CBL: variants seen among roughly 807,000 people sequenced by gnomAD.
CBL encodes the protein E3 ubiquitin-protein ligase CBL.
CBL carries 45 observed loss-of-function variants against 96.9 expected under a neutral mutation model. That is an observed-to-expected ratio of 0.46 (90% CI 0.37 to 0.60). The LOEUF is 0.60. Ranked by LOEUF, CBL falls within the 20% of genes least tolerant of loss-of-function variation. The probability of loss-of-function intolerance (pLI) is 0.00; values close to 1 mark genes in which losing one functional copy is unlikely to be tolerated. For synonymous variants in CBL, 420 were observed against 426.8 expected, an observed-to-expected ratio of 0.98 and a Z score of 0.20; for missense variants, 1,024 against 1,143.5, an observed-to-expected ratio of 0.90 and a Z score of 1.51.
intron 2 of CBL, among the ~76,000 whole-genome samples, chr11:119,261,995 G>C (rs1257656462): frequency 2.0e-5 from 3 of 152,240 alleles, no homozygotes; most frequent in Admixed American, 2.0e-4. Context: ...AAGAAAGAAG[G>C]TGTGGAGAAG....
chr11:119,270,726 G>A lies in CBL; in HGVS notation c.444-1009G>A, dbSNP rs370044861. Among the ~76,000 whole-genome samples, 49 of 152,054 alleles carry A rather than the reference G, an allele frequency of 3.2e-4. No individual in the cohort carries two copies. In the East Asian group the frequency reaches 5.6e-3, roughly 17 times the overall value. On this transcript the variant is annotated intron_variant, in intron 2 of 15. Coordinates refer to ENST00000264033, the MANE Select transcript of CBL (RefSeq NM_005188.4). ...CTCCCAAAGTGCTGGGATTACAGGC[G>A]TGAGCCACCGCGCCCGGCCATTTTT...
At chr11:119,236,622 T>TATAC (rs398017756) in intron 2 of CBL, among the ~76,000 whole-genome samples, 19 of 144,356 alleles carry the variant, frequency 1.3e-4, no homozygotes, top group African/African-American at 4.6e-4. Context: ...TATATATATA[T>TATAC]ACCCATAGGA....
chr11:119,208,209 T>C (rs564009414), intron 1 of CBL, among the ~76,000 whole-genome samples: 36 of 152,272 alleles, frequency 2.4e-4, no homozygotes, highest in African/African-American at 8.4e-4. Flanking sequence ...TGCTAAAGTT[T>C]GTTAGTTTGC....
rs1057116736 is a variant in CBL at position 119,308,046 on chromosome 11, AT to A, written c.*8273del. ...TCTGTTTTACTAATGTTATTTATTA[AT>A]TTTTTTTCATTTCCATACACAGTTA... On this transcript the variant is annotated 3_prime_UTR_variant, in exon 16 of 16. Transcript: ENST00000264033. 14 of 181,016 alleles carry A rather than the reference AT, an allele frequency of 7.7e-5. No homozygotes were observed. Among genetic ancestry groups the A allele is most frequent in the African/African-American group, 1.9e-4 (8 of 42,540 alleles). 11.2% of individuals were successfully genotyped at this position (181,016 alleles called of 1,614,324 possible).
intron 1 of CBL, among the ~76,000 whole-genome samples, chr11:119,207,680 G>A (rs551936365): frequency 6.6e-6 from 1 of 152,168 alleles, no homozygotes; most frequent in East Asian, 1.9e-4. Flanking sequence ...AATTCAATAC[G>A]TTTTCTTGGT....
rs190023408 is a variant in CBL, at chr11:119,269,865, C to T, written c.444-1870C>T. ...CAAAAAAATTAGCTGGGCATGGTGG[C>T]GGGCGCCTGTAGTCCCAGCTACTCG... On this transcript the variant is annotated intron_variant, in intron 2 of 15. Transcript: ENST00000264033. Among the ~76,000 whole-genome samples, 181 of 152,112 alleles carry T rather than the reference C, an allele frequency of 1.2e-3. 1 individual carries two copies. The highest frequency in any genetic ancestry group is 3.8e-3 in the African/African-American group (157 of 41,508).
intron 1 of CBL, among the ~76,000 whole-genome samples, chr11:119,211,165 A>G (rs1565853139): frequency 1.3e-5 from 2 of 152,142 alleles, no homozygotes; most frequent in African/African-American, 2.4e-5. Context: ...TGAGGTCAGG[A>G]GTTCGAGACC....
chr11:119,245,130 C>T (rs575088174), intron 2 of CBL, among the ~76,000 whole-genome samples: 1 of 150,810 alleles, frequency 6.6e-6, no homozygotes, highest in Non-Finnish European at 1.5e-5. Flanking sequence ...CCTTGGACTC[C>T]GAAAGTGCTG....
intron 2 of CBL, among the ~76,000 whole-genome samples, chr11:119,237,097 T>TA (rs1949552313): frequency 6.6e-6 from 1 of 152,206 alleles, no homozygotes; most frequent in Admixed American, 6.5e-5. Flanking sequence ...TAGCACCTAT[T>TA]AGTCACCTAG....
chr11:119,284,982 CTTCTCCA>C lies in CBL; in HGVS notation c.1454_1460del (p.Phe485TrpfsTer128). ...TATGTACCCTAGGTGGAACGGCCGC[CTTCTCCA>C]TTCTCCATGGCCCCACAAGCTTCCC... is the stretch of plus-strand genomic sequence containing the variant. On this transcript the variant is annotated frameshift_variant, in exon 10 of 16. Coordinates refer to ENST00000264033, the MANE Select transcript of CBL (RefSeq NM_005188.4). LOFTEE classifies it high-confidence loss of function. The C allele has an allele frequency of 6.2e-7, 1 of 1,614,176 alleles. No individual in the cohort carries two copies.
At chr11:119,299,357 C>A in intron 15 of CBL, 138 bp from the exon 16 acceptor site, 1 of 774,246 alleles carries the variant, frequency 1.3e-6, no homozygotes, top group Non-Finnish European at 2.1e-6. Context: ...ACCTGTAAAA[C>A]CCAGCCTTGT....
chr11:119,226,538 A>G (rs980175609), intron 1 of CBL, among the ~76,000 whole-genome samples: 4 of 151,778 alleles, frequency 2.6e-5, no homozygotes, highest in African/African-American at 9.7e-5. Flanking sequence ...GCTCACTGCA[A>G]CCTCCTCCTT....
At chr11:119,265,716 G>A (rs1024300062) in intron 2 of CBL, among the ~76,000 whole-genome samples, 6 of 152,024 alleles carry the variant, frequency 3.9e-5, no homozygotes, top group Non-Finnish European at 7.4e-5. Context: ...GTGAAACCCT[G>A]TCTCTACTAA....
At chr11:119,246,675 C>T (rs567008716) in intron 2 of CBL, among the ~76,000 whole-genome samples, 2 of 152,276 alleles carry the variant, frequency 1.3e-5, no homozygotes, top group South Asian at 2.1e-4. Flanking sequence ...TGGTCTTGAA[C>T]TCCTGACCTC....
At chr11:119,229,194 CTG>C (rs1207602628) in intron 1 of CBL, among the ~76,000 whole-genome samples, 2 of 152,176 alleles carry the variant, frequency 1.3e-5, no homozygotes, top group Non-Finnish European at 2.9e-5. Flanking sequence ...GAAATGTAGT[CTG>C]TTTATAAATA....
intron 15 of CBL, 127 bp downstream of exon 15, chr11:119,298,667 G>A: frequency 1.2e-6 from 1 of 859,924 alleles, no homozygotes; most frequent in South Asian, 1.4e-5. Context: ...TGTCTAAATG[G>A]GAGGAAAGTC....
rs1414663764 is a variant in CBL, at chr11:119,296,970, G to T, written c.2089G>T (p.Asp697Tyr). Residue 697 changes from aspartate (D) to tyrosine (Y), a missense_variant, in exon 13 of 16, where the codon GAC (aspartate) becomes TAC (tyrosine). Physicochemically the swap from Asp to Tyr is radical, Grantham distance 160. Transcript: ENST00000264033. The part of the protein sequence containing the change: ...PPGEQCEGEE[D>Y]TEYMTPSSRP... Reference sequence around the variant, plus strand: ...TGGGGAGCAATGTGAGGGTGAAGAGGACACAGAGTACATGACTCCCTCTTC... The same window carrying T: ...TGGGGAGCAATGTGAGGGTGAAGAGTACACAGAGTACATGACTCCCTCTTC... 2 of 1,612,756 alleles carry T rather than the reference G, an allele frequency of 1.2e-6. No individual in the cohort carries two copies. Among genetic ancestry groups the T allele is most frequent in the South Asian group, 2.2e-5 (2 of 91,040 alleles).
At chr11:119,275,672 G>A (rs1342526622) in intron 5 of CBL, among the ~76,000 whole-genome samples, 2 of 152,120 alleles carry the variant, frequency 1.3e-5, no homozygotes, top group Admixed American at 1.3e-4. Flanking sequence ...AGACTGGCCT[G>A]GCCAACATGG....
chr11:119,261,065 A>C (rs1949750480), intron 2 of CBL, among the ~76,000 whole-genome samples: 1 of 148,966 alleles, frequency 6.7e-6, no homozygotes, highest in African/African-American at 2.5e-5. Flanking sequence ...GGTGTGCGCC[A>C]CCACGCCTGG....
Sources: allele counts gnomAD v4.1 joint callset (sites outside exome capture counted in the v4.1 genomes callset), GRCh38; gene constraint gnomAD v4.1.1; transcripts MANE v1.5; gene names NCBI Gene and HGNC (gene_info 2026-07-23, HGNC 2026-07-21).